FREM2: variants seen among roughly 807,000 people sequenced by gnomAD.
FREM2 encodes the protein FRAS1 related extracellular matrix 2, also known as FRAS1-related extracellular matrix protein 2.
FREM2 carries 119 observed loss-of-function variants against 219.9 expected under a neutral mutation model. That is an observed-to-expected ratio of 0.54 (90% confidence interval 0.47 to 0.63). The LOEUF is 0.63. Among genes scored for constraint, FREM2 ranks in the 30% least tolerant of loss-of-function variants. The pLI, the probability that FREM2 is intolerant of heterozygous loss-of-function variation, is 0.00. For missense variants in FREM2, 4,030 were observed against 3,993.6 expected (o/e 1.01, Z -0.25); for synonymous variants, 1,562 against 1,522.8 (o/e 1.03, Z -0.60).
At chr13:38,757,372 A>G (rs1430976676) in intron 2 of FREM2, among the ~76,000 whole-genome samples, 1 of 152,184 alleles carries the variant, frequency 6.6e-6, no homozygotes, top group African/African-American at 2.4e-5. Flanking sequence ...AATATTGAGT[A>G]GAGTATGAAA....
chr13:38,872,607 A>G, intron 16 of FREM2, 135 bp from the exon 17 acceptor site: 1 of 723,774 alleles, frequency 1.4e-6, no homozygotes, highest in South Asian at 1.7e-5. Flanking sequence ...ATAGTGTTAT[A>G]AAATGCTGTC....
intron 6 of FREM2, among the ~76,000 whole-genome samples, chr13:38,803,066 G>A (rs886571134): frequency 3.3e-5 from 5 of 151,948 alleles, no homozygotes; most frequent in African/African-American, 1.2e-4. Flanking sequence ...TTGCTATTTC[G>A]GTTTCTTTCC....
At position 38,687,215 on chromosome 13, in the gene FREM2, C is replaced by T. The variant is rs779797768; in HGVS notation, c.-130C>T. 5 of 1,325,546 alleles carry T rather than the reference C, an allele frequency of 3.8e-6. No individual in the cohort carries two copies. Among genetic ancestry groups the T allele is most frequent in the Non-Finnish European group, 5.3e-6 (5 of 951,894 alleles). The allele number at this position is 1,325,546 out of a possible 1,614,324, so 82.1% of individuals were successfully genotyped here. On this transcript the variant is annotated 5_prime_UTR_variant, in exon 1 of 24. Transcript: ENST00000280481. ...CTTTGCCATCCTTCTGGCCCAGCCC[C>T]GGCTACAGGAGGACCCCGCGGGCAA...
chr13:38,841,931 G>C (rs1043464121), intron 6 of FREM2, among the ~76,000 whole-genome samples: 2 of 152,184 alleles, frequency 1.3e-5, no homozygotes, highest in Admixed American at 6.5e-5. Context: ...GACAATGGGG[G>C]ACATACGCAC....
intron 2 of FREM2, among the ~76,000 whole-genome samples, chr13:38,711,851 A>G (rs1442583783): frequency 6.6e-6 from 1 of 151,274 alleles, no homozygotes; most frequent in African/African-American, 2.4e-5. Flanking sequence ...AAGCACTGAG[A>G]GTGACCACAA....
At chr13:38,829,152 A>G (rs1231092759) in intron 6 of FREM2, among the ~76,000 whole-genome samples, 2 of 152,152 alleles carry the variant, frequency 1.3e-5, no homozygotes, top group Non-Finnish European at 2.9e-5. Context: ...ATTAGGTACC[A>G]TGCCCAAAGC....
At chr13:38,714,538 A>G (rs2138099245) in intron 2 of FREM2, among the ~76,000 whole-genome samples, 1 of 152,294 alleles carries the variant, frequency 6.6e-6, no homozygotes, top group South Asian at 2.1e-4. Flanking sequence ...TGACATGGTG[A>G]CTATGGTTAG....
Position 38,719,302 on chromosome 13 carries a change from C to A in FREM2, c.5263+21515C>A, listed in dbSNP as rs140316733. 4.0e-3 allele frequency among the ~76,000 whole-genome samples: 607 copies of A among 152,294 alleles called. 4 individuals are homozygous for A. Among genetic ancestry groups the A allele is most frequent in the African/African-American group, 0.014 (580 of 41,562 alleles). ...GTGGCACAATCTCTGCTTGCTGACA[C>A]CTCCGCCTCCTAGGTTCAAGTGATT... is the stretch of plus-strand genomic sequence containing the variant. On this transcript the variant is annotated intron_variant, in intron 2 of 23. Coordinates refer to ENST00000280481, the MANE Select transcript of FREM2 (RefSeq NM_207361.6).
intron 3 of FREM2, among the ~76,000 whole-genome samples, chr13:38,766,663 G>T (rs1381339785): frequency 6.6e-6 from 1 of 152,106 alleles, no homozygotes; most frequent in African/African-American, 2.4e-5. Context: ...ATTTGTAGAT[G>T]TATATTCTCA....
chr13:38,739,247 T>A (rs1252716183), intron 2 of FREM2, among the ~76,000 whole-genome samples: 1 of 152,128 alleles, frequency 6.6e-6, no homozygotes, highest in East Asian at 1.9e-4. Flanking sequence ...AGGAAAATAT[T>A]GGAAAAAGAT....
chr13:38,751,896 G>GTT (rs138598623), intron 2 of FREM2, among the ~76,000 whole-genome samples: 11,093 of 100,112 alleles, frequency 0.11, 506 homozygotes, highest in South Asian at 0.24. Flanking sequence ...GTGTGTGTGT[G>GTT]TTTTCCTTTT....
intron 20 of FREM2, 30 bp downstream of exon 20, chr13:38,876,412 C>T (rs1261645869): frequency 6.3e-6 from 10 of 1,587,976 alleles, no homozygotes; most frequent in Non-Finnish European, 8.6e-6. Flanking sequence ...TATCTTATGA[C>T]TTGCAGAATC....
At chr13:38,713,228 G>A (rs1033668166) in intron 2 of FREM2, among the ~76,000 whole-genome samples, 5 of 152,094 alleles carry the variant, frequency 3.3e-5, no homozygotes, top group African/African-American at 1.2e-4. Flanking sequence ...GAGAACTCTG[G>A]ATTTAAACTC....
At chr13:38,714,145 G>GCAGTGTAAAGCACTGCT (rs1182003412) in intron 2 of FREM2, among the ~76,000 whole-genome samples, 3 of 152,230 alleles carry the variant, frequency 2.0e-5, no homozygotes, top group African/African-American at 7.2e-5. Flanking sequence ...TGTGTCCTGA[G>GCAGTGTAAAGCACTGCT]CAGTGTAAAG....
At chr13:38,728,845 T>C (rs1361341896) in intron 2 of FREM2, among the ~76,000 whole-genome samples, 20 of 152,060 alleles carry the variant, frequency 1.3e-4, no homozygotes. Context: ...TATTTATTTA[T>C]TTATTTTGAG....
chr13:38,863,282 T>A (rs368136511), intron 15 of FREM2, among the ~76,000 whole-genome samples: 1 of 152,146 alleles, frequency 6.6e-6, no homozygotes, highest in East Asian at 1.9e-4. Flanking sequence ...ACTCCTGACC[T>A]CAAGTGATCC....
At chr13:38,872,719 T>G (rs754778651) in intron 16 of FREM2, 23 bp from the exon 17 acceptor site, 3 of 1,604,890 alleles carry the variant, frequency 1.9e-6, no homozygotes, top group East Asian at 4.5e-5. Flanking sequence ...GTCATGTTGA[T>G]TGATGTAATT....
At chr13:38,705,919 A>C (rs1341574693) in intron 2 of FREM2, among the ~76,000 whole-genome samples, 1 of 152,162 alleles carries the variant, frequency 6.6e-6, no homozygotes, top group Non-Finnish European at 1.5e-5. Context: ...AGATGGGGGA[A>C]TACACAGGGA....
intron 6 of FREM2, among the ~76,000 whole-genome samples, chr13:38,846,193 A>G (rs374447068): frequency 1.2e-4 from 18 of 151,910 alleles, no homozygotes; most frequent in African/African-American, 4.3e-4. Context: ...GTAAGAAATA[A>G]TAAAATGAGT....
Sources: allele counts gnomAD v4.1 joint callset (sites outside exome capture counted in the v4.1 genomes callset), GRCh38; gene constraint gnomAD v4.1.1; transcripts MANE v1.5; gene names NCBI Gene and HGNC (gene_info 2026-07-23, HGNC 2026-07-21).